Variants in KIF1B observed in about 807,000 individuals in gnomAD.
The protein encoded by KIF1B is kinesin family member 1B, also known as kinesin-like protein KIF1B.
KIF1B carries 76 observed loss-of-function variants against 241.9 expected under a neutral mutation model. The ratio of observed to expected loss-of-function variants is 0.31; its 90% CI spans 0.26 to 0.38. The LOEUF (loss-of-function observed/expected upper bound fraction) is 0.38. KIF1B is among the 10% of genes least tolerant of loss of function. The pLI is 1.00. For synonymous variants in KIF1B, 750 were observed against 796.7 expected, an observed-to-expected ratio of 0.94 and a Z score of 0.99; for missense variants, 1,622 against 2,271.4, an observed-to-expected ratio of 0.71 and a Z score of 5.81.
chr1:10,263,269 TC>T, intron 5 of KIF1B, among the ~76,000 whole-genome samples: 1 of 146,744 alleles, frequency 6.8e-6, no homozygotes, highest in Non-Finnish European at 1.5e-5. Flanking sequence ...GGAGTCTGTC[TC>T]AAAAAAAAAA....
At position 10,348,668 on chromosome 1, in the gene KIF1B, C is replaced by A; in HGVS notation, c.3884C>A (p.Thr1295Lys). Residue 1295 changes from threonine (T) to lysine (K), a missense_variant, in exon 37 of 49, where the codon ACA becomes AAA. This residue lies in a region of KIF1B where 803 missense variants were observed against 1,112.0 expected (regional missense o/e 0.72). Coordinates refer to ENST00000676179, the MANE Select transcript of KIF1B (RefSeq NM_001365951.3). ...LLHQGIQRRI[T>K]VTIIHEKGSE... Reference sequence around the variant, plus strand: ...ACCTAGGGCATCCAGCGAAGGATCACAGTGACCATTATCCATGAGAAGGGG... The same window carrying A: ...ACCTAGGGCATCCAGCGAAGGATCAAAGTGACCATTATCCATGAGAAGGGG... The A allele has an allele frequency of 6.2e-7, 1 of 1,614,102 alleles. No individual in the cohort carries two copies. The highest frequency in any genetic ancestry group is 8.5e-7 in the Non-Finnish European group (1 of 1,179,942).
chr1:10,310,527 T>A (rs1009608234), intron 22 of KIF1B, among the ~76,000 whole-genome samples: 4 of 151,724 alleles, frequency 2.6e-5, no homozygotes, highest in African/African-American at 9.8e-5. Context: ...GGTGGCCGTG[T>A]TCCAGTCAAA....
At chr1:10,224,579 C>G (rs1048022420) in intron 1 of KIF1B, among the ~76,000 whole-genome samples, 3 of 152,006 alleles carry the variant, frequency 2.0e-5, no homozygotes, top group African/African-American at 7.3e-5. Context: ...CCACCACACC[C>G]AGCTAATTTA....
At chr1:10,219,391 C>T (rs577564694) in intron 1 of KIF1B, among the ~76,000 whole-genome samples, 10 of 151,646 alleles carry the variant, frequency 6.6e-5, no homozygotes, top group Admixed American at 3.3e-4. Context: ...ACCTGGGAGG[C>T]GGAGGTTGCA....
Position 10,374,826 on chromosome 1 carries a change from C to CT in KIF1B, c.5097-27dup. The CT allele has an allele frequency of 1.2e-6, 2 of 1,606,582 alleles. No homozygotes were observed. Among genetic ancestry groups the CT allele is most frequent in the Non-Finnish European group, 1.7e-6 (2 of 1,173,194 alleles). On this transcript the variant is annotated intron_variant, in intron 46 of 48. Transcript: ENST00000676179. This position sits in a 1 kb window ranked among gnomAD's most constrained non-coding sequence, Gnocchi z 4.3. ...ACGATTATTTTCTTTTTGTGAGAAA[C>CT]TAACTTTTGTCATATTGTCGTTTTT...
At chr1:10,245,410 G>T (rs921698323) in intron 2 of KIF1B, among the ~76,000 whole-genome samples, 1 of 152,106 alleles carries the variant, frequency 6.6e-6, no homozygotes, top group African/African-American at 2.4e-5. Context: ...TAGCATTTAC[G>T]TTTATCTTGG....
intron 15 of KIF1B, among the ~76,000 whole-genome samples, chr1:10,288,334 C>T (rs975631107): frequency 3.3e-5 from 5 of 152,142 alleles, no homozygotes; most frequent in Non-Finnish European, 5.9e-5. Context: ...CCTTCTCACT[C>T]CTTAGGGAAT....
chr1:10,356,773 G>T (rs1638262980), intron 38 of KIF1B, among the ~76,000 whole-genome samples: 1 of 151,902 alleles, frequency 6.6e-6, no homozygotes, highest in South Asian at 2.1e-4. Flanking sequence ...GGTAGCATGT[G>T]CCTGTAGTCC....
chr1:10,268,220 C>T lies in KIF1B; in HGVS notation c.677C>T (p.Thr226Ile), dbSNP rs1406342985. Reference protein sequence around the residue: ...RSHAVFTIVFTQKKHDNETNL... With the variant: ...RSHAVFTIVFIQKKHDNETNL... ...CACGCTGTGTTTACGATTGTTTTCA[C>T]CCAGAAGAAACACGATAATGAGACC... The change falls in exon 7 of 49, where the codon ACC (threonine) becomes ATC (isoleucine). Residue 226 changes from threonine to isoleucine, a missense_variant. By Grantham distance (89) the Thr-to-Ile change is moderately conservative. Transcript: ENST00000676179. 6.2e-7 allele frequency: 1 copy of T among 1,613,636 alleles called. No individual in the cohort carries two copies. The highest frequency in any genetic ancestry group is 2.2e-5 in the East Asian group (1 of 44,884).
chr1:10,323,648 C>T (rs1020815872), intron 24 of KIF1B, among the ~76,000 whole-genome samples: 4 of 152,096 alleles, frequency 2.6e-5, no homozygotes, highest in Non-Finnish European at 5.9e-5. Context: ...AGAAGATTTT[C>T]GTATGTGCAA....
In KIF1B at chr1:10,303,070, T is replaced by C; in HGVS notation, c.2115+5824T>C. 6.8e-7 allele frequency: 1 copy of C among 1,468,230 alleles called. No individual in the cohort carries two copies. The highest frequency in any genetic ancestry group is 9.1e-7 in the Non-Finnish European group (1 of 1,093,886). 91.0% of individuals were successfully genotyped at this position (1,468,230 alleles called of 1,614,324 possible). A position where few individuals can be genotyped will look rare whatever the true frequency, so the allele number is the denominator to read the frequency against. ...TCTTATTTTTAAATTTGGTTAAGGC[T>C]TTTTTGCTTGCTTTTTCTTCGATTT... On this transcript the variant is annotated intron_variant, in intron 22 of 48. Transcript: ENST00000676179. This position sits in a 1 kb window ranked among gnomAD's most constrained non-coding sequence, Gnocchi z 5.2.
At chr1:10,332,716 C>T (rs891160167) in intron 27 of KIF1B, among the ~76,000 whole-genome samples, 2 of 151,078 alleles carry the variant, frequency 1.3e-5, no homozygotes, top group African/African-American at 2.4e-5. Context: ...GGAGTTTCAC[C>T]GTGTTAGCCA....
chr1:10,248,866 C>G (rs937523775), intron 2 of KIF1B, among the ~76,000 whole-genome samples: 1 of 152,088 alleles, frequency 6.6e-6, no homozygotes, highest in Non-Finnish European at 1.5e-5. Context: ...CTTGTAGGGT[C>G]CAGGTCTGGA....
chr1:10,308,873 G>A (rs957793094), intron 22 of KIF1B, among the ~76,000 whole-genome samples: 3 of 152,138 alleles, frequency 2.0e-5, no homozygotes, highest in Non-Finnish European at 2.9e-5. Context: ...AGATGAATAA[G>A]GATATTACTT....
At chr1:10,300,048 C>T (rs1458513052) in intron 22 of KIF1B, among the ~76,000 whole-genome samples, 1 of 151,700 alleles carries the variant, frequency 6.6e-6, no homozygotes, top group East Asian at 1.9e-4. Flanking sequence ...ACCAGCCTGG[C>T]CAACATAGTG....
chr1:10,296,316 G>A (rs564700766), intron 19 of KIF1B, among the ~76,000 whole-genome samples: 20 of 152,250 alleles, frequency 1.3e-4, no homozygotes, highest in African/African-American at 4.3e-4. Flanking sequence ...AACCGTCAGA[G>A]ATCCCTGAAA....
chr1:10,334,443 A>G, intron 27 of KIF1B, 77 bp from the exon 28 acceptor site: 1 of 1,070,364 alleles, frequency 9.3e-7, no homozygotes, highest in Non-Finnish European at 1.5e-6. Context: ...TTGCAGGAAG[A>G]TGTTCTCAGT....
intron 24 of KIF1B, 121 bp downstream of exon 24, chr1:10,321,978 A>G (rs1436473670): frequency 1.6e-5 from 16 of 995,218 alleles, no homozygotes; most frequent in Non-Finnish European, 2.5e-5. Flanking sequence ...GTGCTATAAA[A>G]CAGCTTTATA....
intron 43 of KIF1B, 123 bp from the exon 44 acceptor site, chr1:10,368,344 G>A (rs1383269517): frequency 7.9e-6 from 6 of 757,392 alleles, no homozygotes; most frequent in East Asian, 2.5e-5. Context: ...GAGAGGAGAT[G>A]TGGAGCTTCC....
Sources: allele counts gnomAD v4.1 joint callset (sites outside exome capture counted in the v4.1 genomes callset), GRCh38; gene constraint gnomAD v4.1.1; regional missense constraint gnomAD v4.1.1; non-coding constraint Gnocchi (gnomAD v3.1); transcripts MANE v1.5; gene names NCBI Gene and HGNC (gene_info 2026-07-23, HGNC 2026-07-21).